The following CTIF variants were observed in gnomAD, a reference collection of about 807,000 sequenced individuals.
CTIF encodes the protein CBP80/20-dependent translation initiation factor.
Under a neutral mutation model 66.0 loss-of-function variants are expected in CTIF, and 21 were observed. The ratio of observed to expected loss-of-function variants is 0.32; its 90% CI spans 0.23 to 0.46. The LOEUF is 0.46. Among genes scored for constraint, CTIF ranks in the 20% least tolerant of loss-of-function variants. The pLI is 1.00. For missense variants in CTIF, 739 were observed against 812.7 expected, an observed-to-expected ratio of 0.91 and a Z score of 1.10; for synonymous variants, 345 against 326.4, an observed-to-expected ratio of 1.06 and a Z score of -0.62.
chr18:48,646,680 G>T (rs1568101399), intron 3 of CTIF, among the ~76,000 whole-genome samples: 1 of 151,544 alleles, frequency 6.6e-6, no homozygotes, highest in Non-Finnish European at 1.5e-5. Context: ...CTGGGAGGTG[G>T]AGGTTGCGGT....
rs201640611 is a variant in CTIF at position 48,711,709 on chromosome 18, C to T, written c.584+14C>T. On this transcript the variant is annotated intron_variant, in intron 7 of 11. Coordinates refer to ENST00000256413, the MANE Select transcript of CTIF (RefSeq NM_014772.3). ...AAATGATCGAAGGTAGGAGAGACTTCGTCGTGAGCTTTGGGTTTTCCTTTC... is the reference window on the plus strand; with the variant it reads ...AAATGATCGAAGGTAGGAGAGACTTTGTCGTGAGCTTTGGGTTTTCCTTTC... 175 of 1,610,202 alleles carry T rather than the reference C, an allele frequency of 1.1e-4. No individual in the cohort carries two copies. The Middle Eastern group carries it at 2.3e-3, about 21-fold the overall frequency.
chr18:48,832,860 C>G (rs1392012182), intron 10 of CTIF, among the ~76,000 whole-genome samples: 2 of 152,176 alleles, frequency 1.3e-5, no homozygotes, highest in Non-Finnish European at 1.5e-5. Context: ...ACAATTAGCT[C>G]TAGAAATTGA....
intron 10 of CTIF, among the ~76,000 whole-genome samples, chr18:48,844,914 T>A (rs1195663933): frequency 2.0e-5 from 3 of 152,156 alleles, no homozygotes; most frequent in African/African-American, 7.2e-5. Context: ...TTAAGGCAGA[T>A]CTATGTACTT....
intron 1 of CTIF, among the ~76,000 whole-genome samples, chr18:48,559,681 T>C (rs1568031898): frequency 6.6e-6 from 1 of 152,194 alleles, no homozygotes; most frequent in Non-Finnish European, 1.5e-5. Flanking sequence ...TGCTGGCTGT[T>C]GGTTCTTCTC....
intron 7 of CTIF, among the ~76,000 whole-genome samples, chr18:48,713,239 G>A (rs919962296): frequency 1.3e-5 from 2 of 152,300 alleles, no homozygotes; most frequent in African/African-American, 2.4e-5. Context: ...CTCTGGCCCT[G>A]TAGTCTCTGA....
intron 3 of CTIF, among the ~76,000 whole-genome samples, chr18:48,652,477 T>G (rs1364403730): frequency 2.0e-4 from 31 of 152,150 alleles, no homozygotes; most frequent in Admixed American, 2.0e-3. Flanking sequence ...GGCTCTCAAA[T>G]TGAGGCAATA....
At chr18:48,753,091 C>T (rs1421150657) in intron 7 of CTIF, among the ~76,000 whole-genome samples, 1 of 152,184 alleles carries the variant, frequency 6.6e-6, no homozygotes, top group African/African-American at 2.4e-5. Flanking sequence ...GTGACTGGGC[C>T]AGGGCAGGCA....
At chr18:48,657,983 G>T (rs1185930295) in intron 3 of CTIF, among the ~76,000 whole-genome samples, 2 of 152,088 alleles carry the variant, frequency 1.3e-5, no homozygotes, top group Non-Finnish European at 2.9e-5. Context: ...AGAGAGGTGG[G>T]TCTGTTTCCT....
At chr18:48,773,759 A>G (rs938836641) in intron 9 of CTIF, among the ~76,000 whole-genome samples, 5 of 146,644 alleles carry the variant, frequency 3.4e-5, no homozygotes, top group East Asian at 2.0e-4. Flanking sequence ...GCCCCTCACC[A>G]TGCTGCTGTG....
chr18:48,683,575 A>C (rs191798979), intron 6 of CTIF, among the ~76,000 whole-genome samples: 1 of 151,620 alleles, frequency 6.6e-6, no homozygotes, highest in African/African-American at 2.4e-5. Context: ...AAAGCATTAG[A>C]TGTAGTCTTG....
At chr18:48,854,098 T>C (rs2069269747) in intron 10 of CTIF, among the ~76,000 whole-genome samples, 1 of 152,162 alleles carries the variant, frequency 6.6e-6, no homozygotes, top group African/African-American at 2.4e-5. Context: ...GCCAGGGGCT[T>C]TGCTTGGGGT....
intron 6 of CTIF, among the ~76,000 whole-genome samples, chr18:48,702,767 T>G (rs1172510360): frequency 6.6e-6 from 1 of 152,204 alleles, no homozygotes; most frequent in African/African-American, 2.4e-5. Flanking sequence ...CCGACTTTCC[T>G]TTCTGAATCA....
intron 1 of CTIF, among the ~76,000 whole-genome samples, chr18:48,556,161 G>A (rs568540558): frequency 2.3e-4 from 35 of 152,298 alleles, no homozygotes; most frequent in African/African-American, 8.4e-4. Flanking sequence ...AGGGTGGGTG[G>A]TGAGTGCTCC....
chr18:48,555,150 G>A (rs1291133241), intron 1 of CTIF, among the ~76,000 whole-genome samples: 1 of 140,744 alleles, frequency 7.1e-6, no homozygotes, highest in Non-Finnish European at 1.5e-5. Context: ...GGTGTGACCT[G>A]AGTGGTGCAG....
At chr18:48,729,071 C>G (rs2092413187) in intron 7 of CTIF, among the ~76,000 whole-genome samples, 1 of 152,178 alleles carries the variant, frequency 6.6e-6, no homozygotes, top group Non-Finnish European at 1.5e-5. Flanking sequence ...CCTCCTCATC[C>G]TGTCCTCCCC....
At chr18:48,753,347 A>G (rs1908021460) in intron 7 of CTIF, among the ~76,000 whole-genome samples, 1 of 152,234 alleles carries the variant, frequency 6.6e-6, no homozygotes, top group Non-Finnish European at 1.5e-5. Flanking sequence ...CGATTATGAA[A>G]TAAAAAACGA....
chr18:48,796,605 A>G (rs569883442), intron 9 of CTIF, among the ~76,000 whole-genome samples: 1 of 152,276 alleles, frequency 6.6e-6, no homozygotes. Context: ...ATCAACATGG[A>G]CATGATGACA....
intron 10 of CTIF, among the ~76,000 whole-genome samples, chr18:48,835,142 A>G (rs550595012): frequency 6.6e-6 from 1 of 152,236 alleles, no homozygotes; most frequent in Non-Finnish European, 1.5e-5. Flanking sequence ...AAAATGAGAA[A>G]ACAGCCCCTG....
chr18:48,539,733 G>T (rs2088560500), intron 1 of CTIF: 1 of 152,730 alleles, frequency 6.5e-6, no homozygotes, highest in Admixed American at 6.5e-5. Context: ...GAGCGAGCGC[G>T]ATTCCTCTCC....
Sources: gnomAD v4.1 joint callset for allele counts (sites outside exome capture counted in the v4.1 genomes callset) on GRCh38, gnomAD v4.1.1 for gene constraint, MANE v1.5 for transcripts, NCBI Gene and HGNC (gene_info 2026-07-23, HGNC 2026-07-21) for gene names.